The following AMPH variants were observed in gnomAD, a reference collection of about 807,000 sequenced individuals.
AMPH encodes amphiphysin (Stiff-Mann syndrome with breast cancer 128kD autoantigen).
Under a neutral mutation model 99.1 loss-of-function variants are expected in AMPH, and 49 were observed. The ratio of observed to expected loss-of-function variants is 0.49; its 90% CI spans 0.39 to 0.63. AMPH has a LOEUF of 0.63. Among genes scored for constraint, AMPH ranks in the 20% least tolerant of loss-of-function variants. The pLI is 0.00. For missense variants in AMPH, 759 were observed against 863.4 expected, an observed-to-expected ratio of 0.88 and a Z score of 1.52; for synonymous variants, 314 against 317.3, an observed-to-expected ratio of 0.99 and a Z score of 0.11.
chr7:38,545,733 A>C (rs1003320503), intron 1 of AMPH, among the ~76,000 whole-genome samples: 38 of 152,216 alleles, frequency 2.5e-4, no homozygotes, highest in African/African-American at 8.4e-4. Context: ...GTGAGGTACC[A>C]CCAAAATTCC....
intron 11 of AMPH, among the ~76,000 whole-genome samples, chr7:38,448,873 CTTTGT>C (rs1786895112): frequency 6.6e-6 from 1 of 152,138 alleles, no homozygotes; most frequent in South Asian, 2.1e-4. Flanking sequence ...TGTTTTCCTA[CTTTGT>C]TTTGTTTTGA....
In AMPH at chr7:38,533,557, G is replaced by A. The variant is rs559161170; in HGVS notation, c.150+1374C>T. On this transcript the variant is annotated intron_variant, in intron 2 of 20. Transcript: ENST00000356264. ...TAATGAAAAGAAATAGAATGTCTTG[G>A]TGAGAGAAAGAGCAGGAACCCTGAT... is the stretch of plus-strand genomic sequence containing the variant. Among the ~76,000 whole-genome samples the A allele has an allele frequency of 4.6e-5, 7 of 152,258 alleles. No homozygotes were observed. In the South Asian group the frequency reaches 1.2e-3, roughly 27 times the overall value.
intron 17 of AMPH, among the ~76,000 whole-genome samples, chr7:38,397,684 C>T (rs889682230): frequency 3.3e-5 from 5 of 152,104 alleles, no homozygotes; most frequent in African/African-American, 9.7e-5. Flanking sequence ...AGTTAAAAAG[C>T]CTCTGCACTG....
intron 2 of AMPH, among the ~76,000 whole-genome samples, chr7:38,523,987 C>A (rs1305937237): frequency 6.6e-6 from 1 of 152,048 alleles, no homozygotes; most frequent in African/African-American, 2.4e-5. Flanking sequence ...TGGCAGATAT[C>A]ATCTTATCTT....
At chr7:38,590,807 G>A (rs1186344856) in intron 1 of AMPH, among the ~76,000 whole-genome samples, 1 of 152,142 alleles carries the variant, frequency 6.6e-6, no homozygotes, top group Non-Finnish European at 1.5e-5. Flanking sequence ...GGAAAACTAA[G>A]TGGGATAACT....
chr7:38,559,701 G>A (rs1383205218), intron 1 of AMPH, among the ~76,000 whole-genome samples: 1 of 152,216 alleles, frequency 6.6e-6, no homozygotes, highest in East Asian at 1.9e-4. Flanking sequence ...TTTTACAGAT[G>A]AGAAAACTGA....
intron 5 of AMPH, among the ~76,000 whole-genome samples, chr7:38,481,674 TC>T (rs1247707384): frequency 6.6e-6 from 1 of 152,058 alleles, no homozygotes; most frequent in Non-Finnish European, 1.5e-5. Flanking sequence ...TTAAACATCA[TC>T]CCCTCATGAA....
chr7:38,413,315 G>T (rs905639596), intron 17 of AMPH, among the ~76,000 whole-genome samples: 2 of 151,990 alleles, frequency 1.3e-5, no homozygotes, highest in South Asian at 4.2e-4. Flanking sequence ...CATTGCTTTT[G>T]ATCATAATAA....
Position 38,541,957 on chromosome 7 carries a change from C to T in AMPH, c.70-6946G>A, listed in dbSNP as rs73367177. Among the ~76,000 whole-genome samples, 1,262 of 152,334 alleles carry T rather than the reference C, an allele frequency of 8.3e-3. 16 individuals carry two copies. Among genetic ancestry groups the T allele is most frequent in the African/African-American group, 0.029 (1,204 of 41,562 alleles). On this transcript the variant is annotated intron_variant, in intron 1 of 20. Coordinates refer to ENST00000356264, the MANE Select transcript of AMPH (RefSeq NM_001635.4). ...CCAAGGCTGCTTTCCAATCACACAT[C>T]TACCTGAAAAGGTATCATGTTGCAG...
At chr7:38,563,881 A>G (rs1791638883) in intron 1 of AMPH, among the ~76,000 whole-genome samples, 1 of 152,136 alleles carries the variant, frequency 6.6e-6, no homozygotes, top group Non-Finnish European at 1.5e-5. Context: ...TTCTGGAATC[A>G]TGTTTTCCTT....
intron 17 of AMPH, among the ~76,000 whole-genome samples, chr7:38,399,123 A>G (rs1038988482): frequency 6.6e-6 from 1 of 152,258 alleles, no homozygotes; most frequent in South Asian, 2.1e-4. Context: ...TTTAGACTTT[A>G]AAGAGAAGCC....
chr7:38,494,557 C>T, intron 3 of AMPH, 30 bp from the exon 4 acceptor site: 2 of 1,581,852 alleles, frequency 1.3e-6, no homozygotes, highest in Non-Finnish European at 1.7e-6. Context: ...ACTCCCGTTA[C>T]ACAGAAATGA....
chr7:38,479,370 AT>A (rs1302183907), intron 5 of AMPH, among the ~76,000 whole-genome samples: 6 of 151,974 alleles, frequency 3.9e-5, no homozygotes, highest in Admixed American at 1.3e-4. Flanking sequence ...AAGATGAAAT[AT>A]TTTTTTTCAG....
chr7:38,539,355 T>C (rs1473479948), intron 1 of AMPH, among the ~76,000 whole-genome samples: 1 of 152,104 alleles, frequency 6.6e-6, no homozygotes, highest in Non-Finnish European at 1.5e-5. Flanking sequence ...AGGTACTCTT[T>C]CCAGAACTTG....
chr7:38,407,095 T>C (rs1331920091), intron 17 of AMPH, among the ~76,000 whole-genome samples: 1 of 103,140 alleles, frequency 9.7e-6, no homozygotes, highest in Non-Finnish European at 2.1e-5. Context: ...TGTGTGTGTG[T>C]GTGTGTGTGT....
chr7:38,609,314 T>C (rs1793542940), intron 1 of AMPH, among the ~76,000 whole-genome samples: 1 of 152,220 alleles, frequency 6.6e-6, no homozygotes, highest in African/African-American at 2.4e-5. Flanking sequence ...CTTTTATTTC[T>C]GTTTAACTTG....
chr7:38,394,990 G>A (rs1784627984), intron 17 of AMPH, among the ~76,000 whole-genome samples: 1 of 152,086 alleles, frequency 6.6e-6, no homozygotes, highest in African/African-American at 2.4e-5. Flanking sequence ...TTTTTCCTGG[G>A]TGCATCCTTA....
At chr7:38,512,322 C>T (rs1382444031) in intron 2 of AMPH, among the ~76,000 whole-genome samples, 1 of 152,164 alleles carries the variant, frequency 6.6e-6, no homozygotes, top group East Asian at 1.9e-4. Flanking sequence ...AACTGCAGCT[C>T]ATTTCTGCAG....
At chr7:38,550,593 T>C (rs894366614) in intron 1 of AMPH, among the ~76,000 whole-genome samples, 1 of 152,192 alleles carries the variant, frequency 6.6e-6, no homozygotes, top group Non-Finnish European at 1.5e-5. Flanking sequence ...TTTTGTTACA[T>C]GGATATACTG....
Sources: gnomAD v4.1 joint callset for allele counts (sites outside exome capture counted in the v4.1 genomes callset) on GRCh38, gnomAD v4.1.1 for gene constraint, MANE v1.5 for transcripts, NCBI Gene and HGNC (gene_info 2026-07-23, HGNC 2026-07-21) for gene names.